THRB: variants seen among roughly 807,000 people sequenced by gnomAD.
The protein encoded by THRB is thyroid hormone receptor beta, also known as nuclear receptor subfamily 1 group A member 2.
In THRB, 12 loss-of-function variants were observed where a neutral mutation model predicts 47.8. The ratio of observed to expected loss-of-function variants is 0.25; its 90% confidence interval spans 0.16 to 0.41. The LOEUF is 0.41. Among genes scored for constraint, THRB ranks in the 10% least tolerant of loss-of-function variants. The pLI is 1.00. For missense variants in THRB, 348 were observed against 589.2 expected, an observed-to-expected ratio of 0.59 and a Z score of 4.24; for synonymous variants, 218 against 212.2, an observed-to-expected ratio of 1.03 and a Z score of -0.24.
At chr3:24,337,628 A>G (rs1432751718) in intron 1 of THRB, among the ~76,000 whole-genome samples, 1 of 152,286 alleles carries the variant, frequency 6.6e-6, no homozygotes, top group Middle Eastern at 3.4e-3. Flanking sequence ...AATCTCAGAG[A>G]TGTACATTTC....
chr3:24,253,853 T>C (rs2050919236), intron 3 of THRB, among the ~76,000 whole-genome samples: 1 of 152,044 alleles, frequency 6.6e-6, no homozygotes. Context: ...ACAGCAGAAC[T>C]TGTAAGCCCT....
At chr3:24,254,389 TAA>T (rs776833610) in intron 3 of THRB, among the ~76,000 whole-genome samples, 9 of 139,640 alleles carry the variant, frequency 6.4e-5, no homozygotes, top group Admixed American at 7.2e-5. Context: ...GACTCCATCT[TAA>T]AAAAAAAAAA....
intron 3 of THRB, among the ~76,000 whole-genome samples, chr3:24,273,149 C>G (rs960787727): frequency 6.6e-6 from 1 of 152,022 alleles, no homozygotes; most frequent in East Asian, 1.9e-4. Flanking sequence ...CACACACACC[C>G]ACACACACCA....
intron 1 of THRB, among the ~76,000 whole-genome samples, chr3:24,405,770 G>A (rs1185738176): frequency 6.0e-5 from 9 of 151,132 alleles, no homozygotes; most frequent in African/African-American, 1.9e-4. Flanking sequence ...ATTACTGAAC[G>A]AATCGCCCAG....
In THRB at chr3:24,476,253, T is replaced by A. The variant is rs1695433887; in HGVS notation, c.-261+18399A>T. 2.6e-5 allele frequency among the ~76,000 whole-genome samples: 4 copies of A among 152,216 alleles called. No homozygotes were observed. In the South Asian group the frequency reaches 6.2e-4, roughly 24 times the overall value. Reference sequence around the variant, plus strand: ...TCCAAGGGTTCTCTGAGGCTTGGCTTCACCCAGATCACACCTGAAGAGCAA... The same window carrying A: ...TCCAAGGGTTCTCTGAGGCTTGGCTACACCCAGATCACACCTGAAGAGCAA... On this transcript the variant is annotated intron_variant, in intron 1 of 10. Transcript: ENST00000646209.
At chr3:24,218,872 C>T (rs4858590) in intron 4 of THRB, among the ~76,000 whole-genome samples, 77,511 of 151,910 alleles carry the variant, frequency 0.51, 20,808 homozygotes, top group African/African-American at 0.7. Flanking sequence ...TGGAAGTCCT[C>T]TCATTTATTT....
chr3:24,305,773 T>C (rs1220810869), intron 2 of THRB, among the ~76,000 whole-genome samples: 3 of 152,164 alleles, frequency 2.0e-5, no homozygotes, highest in African/African-American at 7.2e-5. Context: ...TTAGCTCAGT[T>C]TTTTAGATGA....
At chr3:24,449,641 G>A (rs1312738709) in intron 1 of THRB, among the ~76,000 whole-genome samples, 1 of 152,128 alleles carries the variant, frequency 6.6e-6, no homozygotes, top group African/African-American at 2.4e-5. Flanking sequence ...TATGGTTTAG[G>A]GATATGAGGG....
At position 24,149,389 on chromosome 3, in the gene THRB, C is replaced by T. The variant is rs533311729; in HGVS notation, c.385-2567G>A. On this transcript the variant is annotated intron_variant, in intron 6 of 10. Coordinates refer to ENST00000646209, the MANE Select transcript of THRB (RefSeq NM_001354712.2). Reference sequence around the variant, plus strand: ...TGTCTCCCTCATACTCTGATGCTGACTCATGTTCAGGGGTGGGTTTAGGGC... The same window carrying T: ...TGTCTCCCTCATACTCTGATGCTGATTCATGTTCAGGGGTGGGTTTAGGGC... 6.6e-5 allele frequency among the ~76,000 whole-genome samples: 10 copies of T among 152,262 alleles called. No homozygotes were observed. In the South Asian group the frequency reaches 1.5e-3, roughly 22 times the overall value.
intron 1 of THRB, among the ~76,000 whole-genome samples, chr3:24,370,611 T>C (rs375394038): frequency 4.6e-5 from 7 of 152,218 alleles, no homozygotes; most frequent in African/African-American, 1.7e-4. Flanking sequence ...CATTCTCTAG[T>C]AGTGACCCTC....
rs371536278 is a variant in THRB at position 24,402,072 on chromosome 3, A to G, written c.-260-64701T>C. 2.6e-5 allele frequency among the ~76,000 whole-genome samples: 4 copies of G among 152,126 alleles called. No individual in the cohort carries two copies. In the South Asian group the frequency reaches 8.3e-4, roughly 32 times the overall value. On this transcript the variant is annotated intron_variant, in intron 1 of 10. Coordinates refer to ENST00000646209, the MANE Select transcript of THRB (RefSeq NM_001354712.2). ...CAGATTAAGCCAAGGAGAAGAAAGT[A>G]AAGTCTGGGACAGGTTTTTAGAAAA...
At chr3:24,328,750 C>A (rs1356381406) in intron 2 of THRB, among the ~76,000 whole-genome samples, 1 of 152,220 alleles carries the variant, frequency 6.6e-6, no homozygotes, top group African/African-American at 2.4e-5. Context: ...CCACTGTGGC[C>A]AATCTTACCT....
At chr3:24,451,481 C>T (rs368354074) in intron 1 of THRB, among the ~76,000 whole-genome samples, 323 of 152,216 alleles carry the variant, frequency 2.1e-3, no homozygotes, top group Non-Finnish European at 3.4e-3. Context: ...GTGATCCACC[C>T]GCCTCAGCCT....
At chr3:24,486,147 T>C (rs1288983239) in intron 1 of THRB, among the ~76,000 whole-genome samples, 2 of 152,160 alleles carry the variant, frequency 1.3e-5, no homozygotes, top group Non-Finnish European at 2.9e-5. Flanking sequence ...GCTATTGGCA[T>C]CTAGTGGGTA....
At chr3:24,298,118 T>G (rs2056600474) in intron 2 of THRB, among the ~76,000 whole-genome samples, 1 of 152,136 alleles carries the variant, frequency 6.6e-6, no homozygotes, top group African/African-American at 2.4e-5. Context: ...TGTGAGAAAA[T>G]GAAAATAGGT....
At chr3:24,428,526 A>G (rs562112106) in intron 1 of THRB, among the ~76,000 whole-genome samples, 5 of 152,170 alleles carry the variant, frequency 3.3e-5, no homozygotes, top group Admixed American at 6.6e-5. Flanking sequence ...CAGTTTCACC[A>G]GGTGGTGGCA....
At chr3:24,424,751 T>C (rs2069594335) in intron 1 of THRB, among the ~76,000 whole-genome samples, 1 of 151,986 alleles carries the variant, frequency 6.6e-6, no homozygotes, top group African/African-American at 2.4e-5. Context: ...AAAAAGTAAA[T>C]GCATTGTTTT....
In THRB at chr3:24,228,921, T is replaced by TA. The variant is rs754042345; in HGVS notation, c.22+16dup. The TA allele has an allele frequency of 0.022, 24,299 of 1,082,336 alleles. 15 individuals are homozygous for TA. Among genetic ancestry groups the TA allele is most frequent in the African/African-American group, 0.04 (2,458 of 61,472 alleles). The allele number at this position is 1,082,336 out of a possible 1,614,324, so 67.0% of individuals were successfully genotyped here. On this transcript the variant is annotated intron_variant, in intron 4 of 10. Coordinates refer to ENST00000646209, the MANE Select transcript of THRB (RefSeq NM_001354712.2). ...AAAATGGAGGCACACAAAGAAAATG[T>TA]AAAAAAAAAAAGATACCTGTCATAC...
At chr3:24,396,212 C>T (rs1167464607) in intron 1 of THRB, among the ~76,000 whole-genome samples, 1 of 152,056 alleles carries the variant, frequency 6.6e-6, no homozygotes, top group Non-Finnish European at 1.5e-5. Flanking sequence ...CCACATACCT[C>T]ACTATAGACC....
Sources: allele counts gnomAD v4.1 joint callset (sites outside exome capture counted in the v4.1 genomes callset), GRCh38; gene constraint gnomAD v4.1.1; transcripts MANE v1.5; gene names NCBI Gene and HGNC (gene_info 2026-07-23, HGNC 2026-07-21).